The following CDH18 variants were observed in gnomAD, a reference collection of about 807,000 sequenced individuals.
CDH18 encodes cadherin-18.
A neutral mutation model predicts 67.9 loss-of-function variants in CDH18; 31 were observed. The ratio of observed to expected loss-of-function variants is 0.46; its 90% CI spans 0.34 to 0.62. The LOEUF (loss-of-function observed/expected upper bound fraction) is 0.62. Among genes scored for constraint, CDH18 ranks in the 20% least tolerant of loss-of-function variants. CDH18 has a pLI of 0.01. For missense variants in CDH18, 890 were observed against 975.5 expected, an observed-to-expected ratio of 0.91 and a Z score of 1.17; for synonymous variants, 362 against 347.2, an observed-to-expected ratio of 1.04 and a Z score of -0.48.
intron 3 of CDH18, among the ~76,000 whole-genome samples, chr5:19,794,716 T>C (rs543567741): frequency 7.6e-4 from 115 of 152,244 alleles, no homozygotes; most frequent in Non-Finnish European, 1.4e-3. Flanking sequence ...TATACAGGTA[T>C]AAATCCCCTT....
chr5:19,965,797 T>C (rs1391209722), intron 2 of CDH18, among the ~76,000 whole-genome samples: 2 of 151,846 alleles, frequency 1.3e-5, no homozygotes, highest in East Asian at 3.9e-4. Flanking sequence ...GAGACAGGTG[T>C]GAGGTTCTTG....
At chr5:19,995,798 T>C (rs1437007454) in intron 2 of CDH18, among the ~76,000 whole-genome samples, 1 of 151,982 alleles carries the variant, frequency 6.6e-6, no homozygotes, top group Admixed American at 6.6e-5. Flanking sequence ...AACAAAATCT[T>C]ACCTGGAAGC....
intron 1 of CDH18, among the ~76,000 whole-genome samples, chr5:20,451,914 A>T (rs1750477819): frequency 6.6e-6 from 1 of 152,200 alleles, no homozygotes; most frequent in Admixed American, 6.6e-5. Flanking sequence ...ATCTATATGA[A>T]CAGAAAACCA....
At chr5:19,832,761 C>A (rs1781198429) in intron 3 of CDH18, among the ~76,000 whole-genome samples, 1 of 152,032 alleles carries the variant, frequency 6.6e-6, no homozygotes, top group South Asian at 2.1e-4. Context: ...GCCAGTTTTC[C>A]CAGCATCATT....
chr5:20,555,813 A>T (rs1220102671), intron 1 of CDH18, among the ~76,000 whole-genome samples: 1 of 148,826 alleles, frequency 6.7e-6, no homozygotes, highest in African/African-American at 2.5e-5. Flanking sequence ...ATTCTTTCTC[A>T]TCCTATTTTA....
At chr5:19,896,266 T>C (rs1028976634) in intron 2 of CDH18, among the ~76,000 whole-genome samples, 1 of 152,004 alleles carries the variant, frequency 6.6e-6, no homozygotes, top group African/African-American at 2.4e-5. Flanking sequence ...GGAGAATCAT[T>C]TGAACCCAAG....
chr5:19,705,394 T>C (rs983164681), intron 5 of CDH18, among the ~76,000 whole-genome samples: 11 of 152,138 alleles, frequency 7.2e-5, no homozygotes, highest in African/African-American at 2.7e-4. Context: ...GGGATATTAA[T>C]TGGATACGAC....
chr5:19,550,666 T>C (rs1025076358), intron 8 of CDH18, among the ~76,000 whole-genome samples: 1 of 152,080 alleles, frequency 6.6e-6, no homozygotes, highest in African/African-American at 2.4e-5. Flanking sequence ...TCTATCATTC[T>C]TGGACATTTG....
chr5:20,056,088 T>A (rs1741884095), intron 2 of CDH18, among the ~76,000 whole-genome samples: 1 of 140,100 alleles, frequency 7.1e-6, no homozygotes, highest in African/African-American at 2.6e-5. Context: ...CACTATAACC[T>A]CTGCCTCCTA....
chr5:20,340,197 A>C (rs1740140510), intron 1 of CDH18, among the ~76,000 whole-genome samples: 1 of 152,216 alleles, frequency 6.6e-6, no homozygotes, highest in African/African-American at 2.4e-5. Flanking sequence ...CCTGTTTCTC[A>C]ATTCAAATGA....
At chr5:20,353,017 G>A (rs1580814797) in intron 1 of CDH18, among the ~76,000 whole-genome samples, 2 of 152,096 alleles carry the variant, frequency 1.3e-5, no homozygotes, top group Admixed American at 1.3e-4. Context: ...TCTCTCAAGT[G>A]TATCACAAAT....
chr5:20,311,094 C>T (rs1219031900), intron 1 of CDH18, among the ~76,000 whole-genome samples: 6 of 151,746 alleles, frequency 4.0e-5, no homozygotes, highest in African/African-American at 1.5e-4. Flanking sequence ...AAAAACAAAA[C>T]AAAACAAAAA....
chr5:19,473,542 T>C lies in CDH18; in HGVS notation c.2057A>G (p.Lys686Arg). The C allele has an allele frequency of 6.2e-7, 1 of 1,613,898 alleles. No homozygotes were observed. The highest frequency in any genetic ancestry group is 1.1e-5 in the South Asian group (1 of 91,084). Reference protein sequence around the residue: ...LRNPSAAEELKYRRDIRPEVK... With the variant: ...LRNPSAAEELRYRRDIRPEVK... ...TTCAGGTCTGATATCCCTCCGGTACTTGAGCTCCTCAGCAGCAGAAGGATT... is the reference window on the plus strand; with the variant it reads ...TTCAGGTCTGATATCCCTCCGGTACCTGAGCTCCTCAGCAGCAGAAGGATT... The change falls in exon 13 of 13, where the codon AAG (lysine) becomes AGG (arginine). Residue 686 changes from lysine to arginine, a missense_variant. Lys to Arg is a conservative substitution (Grantham distance 26). Coordinates refer to ENST00000382275, the MANE Select transcript of CDH18 (RefSeq NM_004934.5).
At chr5:19,689,990 G>A (rs1180792897) in intron 5 of CDH18, among the ~76,000 whole-genome samples, 1 of 151,232 alleles carries the variant, frequency 6.6e-6, no homozygotes, top group Non-Finnish European at 1.5e-5. Context: ...CAGGCTATAA[G>A]TCAAACACAG....
chr5:20,261,745 T>G (rs754305503), intron 1 of CDH18, among the ~76,000 whole-genome samples: 2 of 151,594 alleles, frequency 1.3e-5, no homozygotes, highest in African/African-American at 4.8e-5. Flanking sequence ...AAAAAAATGA[T>G]AGAGAAAAAT....
intron 2 of CDH18, among the ~76,000 whole-genome samples, chr5:20,066,224 A>G (rs527399603): frequency 2.7e-4 from 41 of 151,928 alleles, no homozygotes; most frequent in Admixed American, 4.6e-4. Context: ...AAACACACGA[A>G]GAAAACTTTG....
chr5:19,638,281 AC>A (rs1176093177), intron 5 of CDH18, among the ~76,000 whole-genome samples: 1 of 152,192 alleles, frequency 6.6e-6, no homozygotes, highest in Non-Finnish European at 1.5e-5. Flanking sequence ...TCAAAGTCAG[AC>A]CTCAATCCTC....
chr5:19,798,453 C>T (rs1016770344), intron 3 of CDH18, among the ~76,000 whole-genome samples: 1 of 151,708 alleles, frequency 6.6e-6, no homozygotes, highest in African/African-American at 2.4e-5. Context: ...ATTTCCAGAC[C>T]TTTGGAAATA....
intron 2 of CDH18, among the ~76,000 whole-genome samples, chr5:20,173,602 CA>C (rs988796029): frequency 5.3e-5 from 8 of 152,184 alleles, no homozygotes; most frequent in Admixed American, 3.9e-4. Flanking sequence ...GTCAGATTTG[CA>C]TTTAAAAATA....
Sources: allele counts gnomAD v4.1 joint callset (sites outside exome capture counted in the v4.1 genomes callset), GRCh38; gene constraint gnomAD v4.1.1; transcripts MANE v1.5; gene names NCBI Gene and HGNC (gene_info 2026-07-23, HGNC 2026-07-21).